CEP128: variants seen among roughly 807,000 people sequenced by gnomAD.
The protein encoded by CEP128 is centrosomal protein 128kDa.
Under a neutral mutation model 156.7 loss-of-function variants are expected in CEP128, and 132 were observed. That is an observed-to-expected ratio of 0.84 (90% CI 0.73 to 0.97). The LOEUF is 0.97. Ranked by LOEUF, CEP128 falls within the 50% of genes least tolerant of loss-of-function variation. The pLI is 0.00. For synonymous variants in CEP128, 469 were observed against 448.9 expected (o/e 1.04, Z -0.57); for missense variants, 1,252 against 1,281.9 (o/e 0.98, Z 0.36).
intron 19 of CEP128, among the ~76,000 whole-genome samples, chr14:80,634,041 C>G (rs1406116655): frequency 6.6e-6 from 1 of 152,128 alleles, no homozygotes; most frequent in East Asian, 1.9e-4. Flanking sequence ...GACTGGAAAG[C>G]CATATATGAA....
intron 16 of CEP128, among the ~76,000 whole-genome samples, chr14:80,765,074 A>C (rs781064686): frequency 6.6e-5 from 10 of 152,240 alleles, no homozygotes; most frequent in African/African-American, 1.2e-4. Flanking sequence ...TGTCCACTAA[A>C]GATGGAGTAA....
intron 19 of CEP128, among the ~76,000 whole-genome samples, chr14:80,721,297 T>C (rs183782465): frequency 1.7e-4 from 26 of 152,274 alleles, no homozygotes; most frequent in Middle Eastern, 3.4e-3. Context: ...TACAGATGAT[T>C]CTCTTATAAA....
chr14:80,889,751 G>A (rs914519523), intron 8 of CEP128, among the ~76,000 whole-genome samples: 1 of 152,038 alleles, frequency 6.6e-6, no homozygotes, highest in East Asian at 1.9e-4. Context: ...AAAAGCAATG[G>A]CAACAAAAGC....
chr14:80,761,376 T>C (rs1899958420), intron 17 of CEP128, 61 bp downstream of exon 17: 1 of 1,213,628 alleles, frequency 8.2e-7, no homozygotes, highest in African/African-American at 1.5e-5. Flanking sequence ...GAAAATCCTA[T>C]TACAATTATA....
chr14:80,563,587 G>A (rs900330735), intron 20 of CEP128, among the ~76,000 whole-genome samples: 7 of 133,268 alleles, frequency 5.3e-5, no homozygotes, highest in Non-Finnish European at 9.1e-5. Flanking sequence ...AGGCTGGAGT[G>A]CAGTGGCACA....
chr14:80,729,058 G>GGGGTGTGTGTGTGTGT (rs1898141728), intron 19 of CEP128, among the ~76,000 whole-genome samples: 7 of 105,056 alleles, frequency 6.7e-5, no homozygotes, highest in Admixed American at 1.0e-4. Flanking sequence ...GGCTGGTGGG[G>GGGGTGTGTGTGTGTGT]GTGTGTGTGT....
chr14:80,590,116 T>C (rs1891985968), intron 19 of CEP128, among the ~76,000 whole-genome samples: 1 of 152,140 alleles, frequency 6.6e-6, no homozygotes, highest in Admixed American at 6.5e-5. Flanking sequence ...CAGCATGGCT[T>C]AGAGTAAATC....
chr14:80,910,068 T>C (rs1320176890), intron 4 of CEP128, among the ~76,000 whole-genome samples: 1 of 152,208 alleles, frequency 6.6e-6, no homozygotes, highest in Non-Finnish European at 1.5e-5. Flanking sequence ...CAAATGATGA[T>C]CCTATTTTCC....
At chr14:80,563,837 A>G (rs1290615091) in intron 20 of CEP128, among the ~76,000 whole-genome samples, 3 of 152,086 alleles carry the variant, frequency 2.0e-5, no homozygotes, top group East Asian at 3.9e-4. Flanking sequence ...GCCCAGCCCA[A>G]GTCTTTTTAC....
intron 19 of CEP128, among the ~76,000 whole-genome samples, chr14:80,692,667 A>C (rs1214862210): frequency 6.6e-6 from 1 of 152,066 alleles, no homozygotes; most frequent in Non-Finnish European, 1.5e-5. Flanking sequence ...ATAAATATTT[A>C]ATTTTACTGT....
At chr14:80,797,346 T>C (rs769984878) in intron 13 of CEP128, among the ~76,000 whole-genome samples, 3 of 152,196 alleles carry the variant, frequency 2.0e-5, no homozygotes, top group Non-Finnish European at 4.4e-5. Flanking sequence ...ATGTCATTGA[T>C]TGGGTATGTG....
chr14:80,640,850 A>G (rs1459052055), intron 19 of CEP128, among the ~76,000 whole-genome samples: 1 of 152,194 alleles, frequency 6.6e-6, no homozygotes, highest in African/African-American at 2.4e-5. Context: ...TACTTCAAAA[A>G]CAGCATCTAA....
chr14:80,619,229 A>C (rs1254430131), intron 19 of CEP128, among the ~76,000 whole-genome samples: 1 of 152,210 alleles, frequency 6.6e-6, no homozygotes, highest in African/African-American at 2.4e-5. Flanking sequence ...CTCAAAACCA[A>C]TAATTAAAAA....
chr14:80,818,716 T>C (rs1885000849), intron 13 of CEP128, among the ~76,000 whole-genome samples: 1 of 152,230 alleles, frequency 6.6e-6, no homozygotes, highest in South Asian at 2.1e-4. Context: ...TAAACACCCA[T>C]CTGAGTGTCT....
intron 19 of CEP128, among the ~76,000 whole-genome samples, chr14:80,666,296 A>G (rs1043113274): frequency 6.6e-6 from 1 of 152,266 alleles, no homozygotes; most frequent in Admixed American, 6.5e-5. Context: ...ACTCTAGCCT[A>G]TGGGCCAGGA....
rs866453392 is a variant in CEP128, at chr14:80,673,469, C to T, written c.2806+69606G>A. ...CCATCCCGGCTAAAACGGTGAAACCCCGTCTCTACTAAAAATACAAAAAAA... is the reference window on the plus strand; with the variant it reads ...CCATCCCGGCTAAAACGGTGAAACCTCGTCTCTACTAAAAATACAAAAAAA... On this transcript the variant is annotated intron_variant, in intron 19 of 24. Coordinates refer to ENST00000555265, the MANE Select transcript of CEP128 (RefSeq NM_152446.5). Among the ~76,000 whole-genome samples, 69 of 115,882 alleles carry T rather than the reference C, an allele frequency of 6.0e-4. 1 individual carries two copies. The Middle Eastern group carries it at 0.015, about 26-fold the overall frequency. The allele number at this position is 115,882 out of a possible 152,430, so 76.0% of individuals were successfully genotyped here. A position where few individuals can be genotyped will look rare whatever the true frequency, so the allele number is the denominator to read the frequency against.
At chr14:80,848,522 G>A (rs1886722471) in intron 9 of CEP128, among the ~76,000 whole-genome samples, 1 of 152,050 alleles carries the variant, frequency 6.6e-6, no homozygotes, top group Non-Finnish European at 1.5e-5. Flanking sequence ...TTAGCTGGGT[G>A]TCTTGGCGCA....
chr14:80,563,064 C>T (rs1237919582), intron 20 of CEP128, among the ~76,000 whole-genome samples: 1 of 152,110 alleles, frequency 6.6e-6, no homozygotes, highest in Admixed American at 6.5e-5. Context: ...ATTATATCTC[C>T]ATAACCTCTC....
chr14:80,898,335 C>T (rs955647722), intron 7 of CEP128, among the ~76,000 whole-genome samples: 2 of 152,156 alleles, frequency 1.3e-5, no homozygotes, highest in Non-Finnish European at 2.9e-5. Context: ...TAAAGCAGAA[C>T]GGCATCCAGA....
Sources: gnomAD v4.1 joint callset for allele counts (sites outside exome capture counted in the v4.1 genomes callset) on GRCh38, gnomAD v4.1.1 for gene constraint, MANE v1.5 for transcripts, NCBI Gene and HGNC (gene_info 2026-07-23, HGNC 2026-07-21) for gene names.